The following CMTM4 variants were observed in gnomAD, a reference collection of about 807,000 sequenced individuals.
CMTM4 encodes CKLF like MARVEL transmembrane domain containing 4.
A neutral mutation model predicts 19.0 loss-of-function variants in CMTM4; 8 were observed. That is an observed-to-expected ratio of 0.42 (90% CI 0.25 to 0.76). CMTM4 has a LOEUF of 0.76. Ranked by LOEUF, CMTM4 falls within the 30% of genes least tolerant of loss-of-function variation. The pLI, the probability that CMTM4 is intolerant of heterozygous loss-of-function variation, is 0.27. For missense variants in CMTM4, 228 were observed against 290.2 expected, an observed-to-expected ratio of 0.79 and a Z score of 1.56; for synonymous variants, 106 against 121.1, an observed-to-expected ratio of 0.88 and a Z score of 0.82.
chr16:66,604,797 G>A, the CMTM4 span: 4 of 1,247,118 alleles, frequency 3.2e-6, no homozygotes, highest in Non-Finnish European at 3.0e-6. Flanking sequence ...CCCTACCGCC[G>A]CCGCCGCCAT....
chr16:66,612,633 AC>A, downstream of CMTM4: 5 of 1,613,988 alleles, frequency 3.1e-6, no homozygotes, highest in Non-Finnish European at 3.4e-6. The surrounding 1 kb of genome is among the most constrained non-coding windows in gnomAD (Gnocchi z 6.0). Flanking sequence ...TCGGACTCTG[AC>A]TGAAGGCCTG....
chr16:66,642,730 G>A (rs242169), intron 1 of CMTM4, among the ~76,000 whole-genome samples: 7,426 of 151,956 alleles, frequency 0.049, 299 homozygotes, highest in Admixed American at 0.11. Context: ...ACAAACAAAC[G>A]AACAAACAAA....
In CMTM4 at chr16:66,691,640, G is replaced by A. The variant is rs574002760; in HGVS notation, c.186+4700C>T. Among the ~76,000 whole-genome samples the A allele has an allele frequency of 2.6e-5, 4 of 152,304 alleles. No individual in the cohort carries two copies. In the South Asian group the frequency reaches 6.2e-4, roughly 24 times the overall value. Reference sequence around the variant, plus strand: ...CACCTGAGCCCAGGAGGTCGAGGCTGCAGTAACCTATGATTGTACCACTGC... The same window carrying A: ...CACCTGAGCCCAGGAGGTCGAGGCTACAGTAACCTATGATTGTACCACTGC... On this transcript the variant is annotated intron_variant, in intron 1 of 3. Transcript: ENST00000394106.
At chr16:66,626,803 A>G (rs1306715851) in intron 2 of CMTM4, among the ~76,000 whole-genome samples, 2 of 151,774 alleles carry the variant, frequency 1.3e-5, no homozygotes, top group Non-Finnish European at 2.9e-5. Context: ...AGGAAAAAAA[A>G]GAAAATCATA....
intron 1 of CMTM4, among the ~76,000 whole-genome samples, chr16:66,677,459 G>A (rs1441426885): frequency 6.6e-6 from 1 of 152,228 alleles, no homozygotes; most frequent in Non-Finnish European, 1.5e-5. Flanking sequence ...GGCTGAGGCT[G>A]GCAGATTTAC....
intron 1 of CMTM4, among the ~76,000 whole-genome samples, chr16:66,694,108 A>G (rs563884377): frequency 1.3e-5 from 2 of 152,258 alleles, no homozygotes; most frequent in South Asian, 2.1e-4. Context: ...AAGAAAAGAA[A>G]AAAAGAAAAG....
intron 2 of CMTM4, among the ~76,000 whole-genome samples, chr16:66,627,738 G>A (rs569740916): frequency 1.3e-5 from 2 of 152,166 alleles, no homozygotes; most frequent in East Asian, 3.9e-4. Context: ...CTGAAGGCGT[G>A]GCCTGCCCCT....
At chr16:66,659,384 A>G (rs2016460842) in intron 1 of CMTM4, among the ~76,000 whole-genome samples, 1 of 152,126 alleles carries the variant, frequency 6.6e-6, no homozygotes, top group Non-Finnish European at 1.5e-5. Context: ...CAAAAAAAAA[A>G]AAAAATCACA....
intron 2 of CMTM4, among the ~76,000 whole-genome samples, chr16:66,631,479 G>A (rs1234955241): frequency 6.6e-6 from 1 of 152,232 alleles, no homozygotes; most frequent in Non-Finnish European, 1.5e-5. Flanking sequence ...GCAGTGTTGT[G>A]GAATAGAAAA....
intron 1 of CMTM4, among the ~76,000 whole-genome samples, chr16:66,688,527 A>AACACACAC (rs59727449): frequency 1.3e-5 from 2 of 148,480 alleles, no homozygotes; most frequent in African/African-American, 4.9e-5. Flanking sequence ...CACTCCCCTC[A>AACACACAC]ACACACACAC....
intron 1 of CMTM4, among the ~76,000 whole-genome samples, chr16:66,638,430 G>C (rs945947259): frequency 6.6e-6 from 1 of 152,172 alleles, no homozygotes; most frequent in African/African-American, 2.4e-5. Context: ...TCTTTTCTAA[G>C]TCAACACATT....
intron 1 of CMTM4, among the ~76,000 whole-genome samples, chr16:66,645,848 G>A (rs2016184813): frequency 1.3e-5 from 2 of 151,870 alleles, no homozygotes; most frequent in Admixed American, 1.3e-4. Flanking sequence ...GTGTGGTGGT[G>A]GGCGCCTGTA....
rs1010273813 is a variant in CMTM4, at chr16:66,677,994, G to A, written c.186+18346C>T. 7.2e-5 allele frequency among the ~76,000 whole-genome samples: 11 copies of A among 152,062 alleles called. No homozygotes were observed. In the South Asian group the frequency reaches 1.5e-3, roughly 20 times the overall value. On this transcript the variant is annotated intron_variant, in intron 1 of 3. Transcript: ENST00000394106. ...AGTACAGGTATGAGCCACCGTGCCCGGCCTCAAGATCTATTTTCGTGAAGA... is the reference window on the plus strand; with the variant it reads ...AGTACAGGTATGAGCCACCGTGCCCAGCCTCAAGATCTATTTTCGTGAAGA...
Position 66,696,454 on chromosome 16 carries a change from G to A in CMTM4, c.72C>T (p.Ser24=). ...ASSTSMISGA[S]SPYQPTTEPV... is the part of the protein sequence containing the mutation. ...GCTCGGTGGTGGGCTGGTACGGGCT[G>A]CTGGCGCCCGAGATCATGGAGGTGC... is the stretch of plus-strand genomic sequence containing the variant. The change falls in exon 1 of 4, where the codon AGC becomes AGT. Residue 24 remains serine, a synonymous_variant. Transcript: ENST00000394106. The surrounding 1 kb of genome is among the most constrained non-coding windows in gnomAD (Gnocchi z 4.3). 1.5e-6 allele frequency: 2 copies of A among 1,340,830 alleles called. No homozygotes were observed. The highest frequency in any genetic ancestry group is 3.4e-5 in the South Asian group (2 of 58,170). 83.1% of individuals were successfully genotyped at this position (1,340,830 alleles called of 1,614,324 possible).
chr16:66,677,676 G>A (rs1033731976), intron 1 of CMTM4, among the ~76,000 whole-genome samples: 3 of 152,130 alleles, frequency 2.0e-5, no homozygotes, highest in African/African-American at 2.4e-5. Flanking sequence ...GAGGCCTAAA[G>A]GGCATGGTCC....
At chr16:66,613,204 C>T (rs188002121), downstream of CMTM4, 186 of 694,064 alleles carry the variant, frequency 2.7e-4, no homozygotes, top group South Asian at 6.3e-4. Flanking sequence ...TTTGCCTTGT[C>T]GCCCAGGAAG....
At chr16:66,600,067 GGTT>G in the CMTM4 span, among the ~76,000 whole-genome samples, 1 of 150,630 alleles carries the variant, frequency 6.6e-6, no homozygotes, top group Non-Finnish European at 1.5e-5. Context: ...AAAAAAATTG[GGTT>G]GTTTTCTTCT....
At chr16:66,598,436 T>C in the CMTM4 span, among the ~76,000 whole-genome samples, 1 of 152,246 alleles carries the variant, frequency 6.6e-6, no homozygotes, top group East Asian at 1.9e-4. Context: ...TTTTTGCAAA[T>C]TGAGATATAA....
chr16:66,633,104 T>A (rs28406840), intron 2 of CMTM4, among the ~76,000 whole-genome samples: 40 of 24,820 alleles, frequency 1.6e-3, no homozygotes, highest in African/African-American at 2.2e-3. Flanking sequence ...TATATATAAA[T>A]ATATATATAT....
Sources: allele counts gnomAD v4.1 joint callset (sites outside exome capture counted in the v4.1 genomes callset), GRCh38; gene constraint gnomAD v4.1.1; non-coding constraint Gnocchi (gnomAD v3.1); transcripts MANE v1.5; gene names NCBI Gene and HGNC (gene_info 2026-07-23, HGNC 2026-07-21).